Variants in CPNE4 observed in about 807,000 individuals in gnomAD.
CPNE4 encodes the protein copine 4.
Under a neutral mutation model 67.9 loss-of-function variants are expected in CPNE4, and 25 were observed. The observed-to-expected ratio is 0.37, with a 90% confidence interval of 0.27 to 0.51. The LOEUF (loss-of-function observed/expected upper bound fraction) is 0.51, where lower values mean the gene tolerates loss of function less well. Among genes scored for constraint, CPNE4 ranks in the 20% least tolerant of loss-of-function variants. The pLI is 0.93. For missense variants in CPNE4, 464 were observed against 690.8 expected (o/e 0.67, Z 3.68); for synonymous variants, 242 against 244.9 (o/e 0.99, Z 0.11).
At chr3:131,986,693 G>A (rs747195355) in intron 1 of CPNE4, among the ~76,000 whole-genome samples, 22 of 151,948 alleles carry the variant, frequency 1.4e-4, no homozygotes, top group Non-Finnish European at 2.4e-4. Context: ...TTAGAAGTTC[G>A]AGACCATCCT....
intron 2 of CPNE4, among the ~76,000 whole-genome samples, chr3:131,903,590 T>C (rs1017926265): frequency 2.0e-5 from 3 of 152,098 alleles, no homozygotes; most frequent in African/African-American, 7.2e-5. Flanking sequence ...TTTCTGGAGC[T>C]CCAATGTATG....
intron 1 of CPNE4, among the ~76,000 whole-genome samples, chr3:131,914,523 T>G (rs1164948107): frequency 6.6e-6 from 1 of 152,136 alleles, no homozygotes; most frequent in Non-Finnish European, 1.5e-5. Context: ...TTCTTTCCTC[T>G]CAGGACTTTA....
chr3:131,810,528 T>C lies in CPNE4; in HGVS notation c.181-86903A>G, dbSNP rs2084485006. The stretch of plus-strand genomic sequence containing the variant: ...CAATCATAGATTAAAAAAAGGTAAG[T>C]GTTAGTTAAGTGTTAGTGAGGATTT... On this transcript the variant is annotated intron_variant, in intron 2 of 15. Transcript: ENST00000429747. Among the ~76,000 whole-genome samples the C allele has an allele frequency of 3.3e-5, 5 of 151,660 alleles. No homozygotes were observed. In the South Asian group the frequency reaches 1.0e-3, roughly 32 times the overall value.
At chr3:131,819,064 T>C (rs113559187) in intron 2 of CPNE4, among the ~76,000 whole-genome samples, 4,815 of 152,162 alleles carry the variant, frequency 0.032, 182 homozygotes, top group South Asian at 0.094. Flanking sequence ...TGTGCCACTG[T>C]ACTTCAGCCT....
At chr3:131,943,842 G>A (rs981842351) in intron 1 of CPNE4, among the ~76,000 whole-genome samples, 39 of 152,012 alleles carry the variant, frequency 2.6e-4, no homozygotes, top group Non-Finnish European at 5.1e-4. Flanking sequence ...TGTGCATTAC[G>A]CTGTAGCAAT....
intron 6 of CPNE4, among the ~76,000 whole-genome samples, chr3:131,670,676 T>G (rs2080388256): frequency 6.6e-6 from 1 of 152,084 alleles, no homozygotes; most frequent in African/African-American, 2.4e-5. Flanking sequence ...ACTCTGGAGG[T>G]GGGTCTCCTG....
At chr3:131,786,554 T>G (rs2083568781) in intron 2 of CPNE4, among the ~76,000 whole-genome samples, 1 of 152,170 alleles carries the variant, frequency 6.6e-6, no homozygotes, top group South Asian at 2.1e-4. Context: ...ATATGTCTAT[T>G]TCTGAGAAGC....
At chr3:131,547,786 G>A (rs759908799) in intron 14 of CPNE4, among the ~76,000 whole-genome samples, 3 of 152,114 alleles carry the variant, frequency 2.0e-5, no homozygotes, top group Non-Finnish European at 4.4e-5. Flanking sequence ...GTGATTTCAA[G>A]AACATGATGT....
chr3:132,008,573 G>A (rs939424336), intron 1 of CPNE4, among the ~76,000 whole-genome samples: 3 of 152,212 alleles, frequency 2.0e-5, no homozygotes, highest in Non-Finnish European at 2.9e-5. Flanking sequence ...GTTTCCATAT[G>A]AAGAAAAGAG....
At chr3:131,925,358 C>T (rs1280293773) in intron 1 of CPNE4, among the ~76,000 whole-genome samples, 1 of 152,132 alleles carries the variant, frequency 6.6e-6, no homozygotes, top group African/African-American at 2.4e-5. Context: ...GCTCTCCTAA[C>T]ACCCTGGGAT....
intron 3 of CPNE4, among the ~76,000 whole-genome samples, chr3:131,708,967 T>G (rs1238822227): frequency 1.8e-4 from 15 of 83,280 alleles, no homozygotes; most frequent in African/African-American, 5.8e-4. Context: ...GATATATATA[T>G]ATATATATAT....
intron 7 of CPNE4, 35 bp downstream of exon 7, chr3:131,669,640 T>TA (rs2080355328): frequency 6.6e-7 from 1 of 1,525,958 alleles, no homozygotes; most frequent in Admixed American, 1.9e-5. Flanking sequence ...ATACTTTTTT[T>TA]AAAAAATCAC....
At chr3:131,789,510 A>C (rs2083657659) in intron 2 of CPNE4, among the ~76,000 whole-genome samples, 1 of 152,128 alleles carries the variant, frequency 6.6e-6, no homozygotes, top group African/African-American at 2.4e-5. Flanking sequence ...GTGTCACTTG[A>C]TGTCCCTCTA....
At chr3:131,759,915 G>A (rs1396566109) in intron 2 of CPNE4, among the ~76,000 whole-genome samples, 6 of 152,126 alleles carry the variant, frequency 3.9e-5, no homozygotes, top group African/African-American at 1.2e-4. Flanking sequence ...GCTGTGGAGG[G>A]CAGAAGGTCA....
At chr3:131,596,605 G>C (rs1250157158) in intron 7 of CPNE4, among the ~76,000 whole-genome samples, 2 of 78,226 alleles carry the variant, frequency 2.6e-5, no homozygotes, top group Non-Finnish European at 4.2e-5. Flanking sequence ...CTGGGCGACA[G>C]AGCGAGACTC....
chr3:131,710,348 G>A (rs964297067), intron 3 of CPNE4, among the ~76,000 whole-genome samples: 5 of 152,136 alleles, frequency 3.3e-5, no homozygotes, highest in African/African-American at 1.2e-4. Flanking sequence ...TCCATTTGCA[G>A]ATAGATGTTA....
At chr3:131,944,551 A>G (rs1165451720) in intron 1 of CPNE4, among the ~76,000 whole-genome samples, 1 of 152,016 alleles carries the variant, frequency 6.6e-6, no homozygotes, top group Non-Finnish European at 1.5e-5. Context: ...TCAGCTGGTT[A>G]TCTGCCATGA....
intron 12 of CPNE4, among the ~76,000 whole-genome samples, chr3:131,553,366 G>C (rs1448913789): frequency 1.3e-5 from 2 of 152,026 alleles, no homozygotes; most frequent in South Asian, 4.1e-4. Flanking sequence ...AGCACTTCCA[G>C]GTAAGCCAGC....
chr3:131,618,949 G>A (rs762034021), intron 7 of CPNE4, among the ~76,000 whole-genome samples: 1 of 152,168 alleles, frequency 6.6e-6, no homozygotes, highest in East Asian at 1.9e-4. Flanking sequence ...TTTATGGAAA[G>A]CAATATGATG....
Sources: allele counts gnomAD v4.1 joint callset (sites outside exome capture counted in the v4.1 genomes callset), GRCh38; gene constraint gnomAD v4.1.1; transcripts MANE v1.5; gene names NCBI Gene and HGNC (gene_info 2026-07-23, HGNC 2026-07-21).